MYO5B: variants seen among roughly 807,000 people sequenced by gnomAD.
MYO5B encodes the protein unconventional myosin-Vb.
Under a neutral mutation model 229.3 loss-of-function variants are expected in MYO5B, and 143 were observed. The ratio of observed to expected loss-of-function variants is 0.62; its 90% CI spans 0.54 to 0.72. The LOEUF is 0.72. MYO5B is among the 30% of genes least tolerant of loss of function. MYO5B has a pLI of 0.00. For missense variants in MYO5B, 2,321 were observed against 2,331.0 expected (o/e 1.00, Z 0.09); for synonymous variants, 918 against 885.2 (o/e 1.04, Z -0.66).
intron 1 of MYO5B, among the ~76,000 whole-genome samples, chr18:50,110,436 C>T (rs1268510269): frequency 6.6e-6 from 1 of 152,150 alleles, no homozygotes; most frequent in East Asian, 1.9e-4. Flanking sequence ...ATAGTGCTTT[C>T]TCTCATTTTA....
intron 1 of MYO5B, among the ~76,000 whole-genome samples, chr18:50,108,290 C>A (rs941546995): frequency 1.3e-5 from 2 of 152,156 alleles, no homozygotes; most frequent in Admixed American, 1.3e-4. Context: ...AACAGCTGAG[C>A]TTTGTCTATA....
intron 22 of MYO5B, among the ~76,000 whole-genome samples, chr18:49,891,495 G>A (rs2024714493): frequency 6.6e-6 from 1 of 152,200 alleles, no homozygotes; most frequent in Non-Finnish European, 1.5e-5. Context: ...CCAGTGTGTA[G>A]AACAGGGTCT....
At chr18:50,106,678 C>T (rs1039983357) in intron 1 of MYO5B, among the ~76,000 whole-genome samples, 1 of 152,218 alleles carries the variant, frequency 6.6e-6, no homozygotes, top group Non-Finnish European at 1.5e-5. Context: ...TTCCAACTCC[C>T]GAGGCCTGGG....
chr18:49,999,785 C>T (rs1277701216), intron 5 of MYO5B, among the ~76,000 whole-genome samples: 3 of 152,172 alleles, frequency 2.0e-5, no homozygotes, highest in African/African-American at 4.8e-5. Flanking sequence ...ATTTGGGGGG[C>T]CCCTCCCAGA....
chr18:49,856,264 G>T (rs1190723735), intron 30 of MYO5B, among the ~76,000 whole-genome samples: 2 of 152,242 alleles, frequency 1.3e-5, no homozygotes, highest in African/African-American at 4.8e-5. Flanking sequence ...TGTGAGGCCA[G>T]ATGTCAAGGC....
chr18:50,007,938 A>G (rs1448379941), intron 4 of MYO5B, among the ~76,000 whole-genome samples: 1 of 152,234 alleles, frequency 6.6e-6, no homozygotes, highest in Non-Finnish European at 1.5e-5. Context: ...TGATGCACCC[A>G]GAATTCCTTA....
intron 1 of MYO5B, among the ~76,000 whole-genome samples, chr18:50,102,417 G>T (rs1443859955): frequency 6.6e-6 from 1 of 152,072 alleles, no homozygotes; most frequent in Non-Finnish European, 1.5e-5. Flanking sequence ...TGCTGGGAGG[G>T]AACTCACAGC....
In MYO5B at chr18:49,922,294, A is replaced by G. The variant is rs572942033; in HGVS notation, c.2090+7218T>C. 9.8e-5 allele frequency among the ~76,000 whole-genome samples: 15 copies of G among 152,358 alleles called. No individual in the cohort carries two copies. The South Asian group carries it at 2.9e-3, about 29-fold the overall frequency. ...AATCTCCTGGATTAAGCAGTTAGGTAGCATTATTATTTTAATCAGTGACAT... is the reference window on the plus strand; with the variant it reads ...AATCTCCTGGATTAAGCAGTTAGGTGGCATTATTATTTTAATCAGTGACAT... On this transcript the variant is annotated intron_variant, in intron 17 of 39. Coordinates refer to ENST00000285039, the MANE Select transcript of MYO5B (RefSeq NM_001080467.3).
At chr18:49,917,848 C>A (rs2025033594) in intron 17 of MYO5B, among the ~76,000 whole-genome samples, 1 of 152,178 alleles carries the variant, frequency 6.6e-6, no homozygotes. Flanking sequence ...ACCTGGAGTG[C>A]CTCTAGCTTG....
chr18:50,023,910 C>G (rs750770081), intron 4 of MYO5B, among the ~76,000 whole-genome samples: 55 of 152,130 alleles, frequency 3.6e-4, no homozygotes, highest in Non-Finnish European at 6.0e-4. Context: ...ACCTGAAGAG[C>G]CTTCCAACTT....
chr18:50,076,079 C>G (rs1458463440), intron 1 of MYO5B, among the ~76,000 whole-genome samples: 1 of 152,140 alleles, frequency 6.6e-6, no homozygotes, highest in African/African-American at 2.4e-5. Flanking sequence ...AAAATAGTCT[C>G]AAAAGAAGTC....
intron 10 of MYO5B, among the ~76,000 whole-genome samples, chr18:49,973,928 ACAGT>A (rs1255617058): frequency 2.0e-5 from 3 of 147,914 alleles, no homozygotes; most frequent in Non-Finnish European, 4.4e-5. Flanking sequence ...CTTGACTGTT[ACAGT>A]CAATGAGGTC....
intron 1 of MYO5B, among the ~76,000 whole-genome samples, chr18:50,153,781 A>G (rs144277241): frequency 6.6e-6 from 1 of 151,848 alleles, no homozygotes; most frequent in Non-Finnish European, 1.5e-5. Flanking sequence ...AATCAACTCT[A>G]CCCTTGAGTG....
At chr18:50,023,540 T>C (rs1598960835) in intron 4 of MYO5B, among the ~76,000 whole-genome samples, 1 of 152,164 alleles carries the variant, frequency 6.6e-6, no homozygotes, top group African/African-American at 2.4e-5. Context: ...TGAGTTAGAA[T>C]CCTGGCTCAA....
chr18:49,975,603 C>T (rs1223533105), intron 9 of MYO5B, among the ~76,000 whole-genome samples: 2 of 152,180 alleles, frequency 1.3e-5, no homozygotes, highest in Non-Finnish European at 2.9e-5. Context: ...AGCTAAGATA[C>T]ATGGCAAACC....
intron 1 of MYO5B, among the ~76,000 whole-genome samples, chr18:50,182,820 T>C (rs768653832): frequency 3.9e-5 from 6 of 152,120 alleles, no homozygotes; most frequent in Non-Finnish European, 7.4e-5. Flanking sequence ...CAAAGAGCCA[T>C]GCCTAGAACC....
At chr18:49,863,075 G>A in intron 29 of MYO5B, 152 bp downstream of exon 29, 4 of 709,336 alleles carry the variant, frequency 5.6e-6, no homozygotes, top group East Asian at 5.4e-5. Context: ...CAGTAGGGCA[G>A]GGGTTCTGAG....
At chr18:49,834,784 G>A (rs7238812) in intron 39 of MYO5B, among the ~76,000 whole-genome samples, 43,034 of 151,698 alleles carry the variant, frequency 0.28, 7,132 homozygotes, top group East Asian at 0.69. Flanking sequence ...GACTACAGGC[G>A]CCCACCACCA....
intron 1 of MYO5B, among the ~76,000 whole-genome samples, chr18:50,081,398 G>A (rs115381241): frequency 0.013 from 1,964 of 152,304 alleles, 35 homozygotes; most frequent in African/African-American, 0.045. Flanking sequence ...AGCTAACTGA[G>A]GGCTCGGGAT....
Sources: gnomAD v4.1 joint callset for allele counts (sites outside exome capture counted in the v4.1 genomes callset) on GRCh38, gnomAD v4.1.1 for gene constraint, MANE v1.5 for transcripts, NCBI Gene and HGNC (gene_info 2026-07-23, HGNC 2026-07-21) for gene names.